PLEKHB2: variants seen among roughly 807,000 people sequenced by gnomAD.
PLEKHB2 encodes the protein pleckstrin homology domain-containing family B member 2.
PLEKHB2 carries 31 observed loss-of-function variants against 36.5 expected under a neutral mutation model. The ratio of observed to expected loss-of-function variants is 0.85; its 90% CI spans 0.64 to 1.15. The LOEUF (loss-of-function observed/expected upper bound fraction) is 1.15, where lower values mean the gene tolerates loss of function less well. PLEKHB2 is among the 50% of genes most tolerant of loss of function. The probability of loss-of-function intolerance (pLI) is 0.00; values close to 1 mark genes in which losing one functional copy is unlikely to be tolerated. For synonymous variants in PLEKHB2, 119 were observed against 112.0 expected, an observed-to-expected ratio of 1.06 and a Z score of -0.39; for missense variants, 262 against 295.3, an observed-to-expected ratio of 0.89 and a Z score of 0.83.
intron 1 of PLEKHB2, among the ~76,000 whole-genome samples, chr2:131,118,480 A>G (rs1036655020): frequency 6.6e-6 from 1 of 152,048 alleles, no homozygotes; most frequent in Non-Finnish European, 1.5e-5. Flanking sequence ...ATGGGGAAGG[A>G]GCTACATTAG....
chr2:131,124,843 T>C (rs1696939697), intron 2 of PLEKHB2, among the ~76,000 whole-genome samples: 1 of 151,962 alleles, frequency 6.6e-6, no homozygotes, highest in South Asian at 2.1e-4. Flanking sequence ...TGGAGGGCAG[T>C]GGTGCGATCT....
At chr2:131,122,000 G>A (rs1310712404) in intron 2 of PLEKHB2, among the ~76,000 whole-genome samples, 1 of 152,112 alleles carries the variant, frequency 6.6e-6, no homozygotes, top group African/African-American at 2.4e-5. Context: ...CCAGGTTCAA[G>A]TAATTCTCCT....
chr2:131,126,728 ATTGT>A lies in PLEKHB2; in HGVS notation c.240_243del (p.Cys81GlufsTer38), dbSNP rs1409367432. 1.2e-6 allele frequency: 2 copies of A among 1,612,340 alleles called. No individual in the cohort carries two copies. Among genetic ancestry groups the A allele is most frequent in the Non-Finnish European group, 1.7e-6 (2 of 1,178,316 alleles). ...AAAGTCAAAAGACTGCATGCTCCAG[ATTGT>A]TTGTCGAGATGGGAAAACAATTAGT... On this transcript the variant is annotated frameshift_variant, in exon 4 of 8. Coordinates refer to ENST00000693505, the MANE Select transcript of PLEKHB2 (RefSeq NM_001100623.2). LOFTEE classifies it high-confidence loss of function.
chr2:131,144,468 T>G (rs1029027486), intron 7 of PLEKHB2: 3 of 1,161,834 alleles, frequency 2.6e-6, no homozygotes, highest in Non-Finnish European at 3.2e-6. Flanking sequence ...AAGAGCAGAC[T>G]TCTAGATTTG....
At chr2:131,136,150 C>CCCGGCCTCTTTTTACTTT (rs1559096658) in intron 6 of PLEKHB2, among the ~76,000 whole-genome samples, 2 of 147,662 alleles carry the variant, frequency 1.4e-5, no homozygotes, top group Admixed American at 6.7e-5. Context: ...GCCTGCCTGT[C>CCCGGCCTCTTTTTACTTT]TTCCTGCCTC....
At chr2:131,134,102 T>C (rs1427956822) in intron 6 of PLEKHB2, among the ~76,000 whole-genome samples, 6 of 152,080 alleles carry the variant, frequency 3.9e-5, no homozygotes, top group South Asian at 2.1e-4. Context: ...GGTTTCACTG[T>C]GTTAGCCAGG....
chr2:131,110,296 G>A (rs1373388366), intron 1 of PLEKHB2, among the ~76,000 whole-genome samples: 2 of 150,802 alleles, frequency 1.3e-5, no homozygotes, highest in South Asian at 2.1e-4. Flanking sequence ...TGTAGTACTC[G>A]GTCCTGCTCC....
At chr2:131,133,921 AT>A (rs1697970361) in intron 6 of PLEKHB2, among the ~76,000 whole-genome samples, 1 of 118,320 alleles carries the variant, frequency 8.5e-6, no homozygotes. Context: ...TTTTTTTGGG[AT>A]GGAGTCTTGC....
chr2:131,146,664 A>C lies in PLEKHB2; in HGVS notation c.560A>C (p.Gln187Pro). Residue 187 changes from glutamine (Q) to proline (P), a missense_variant, in exon 8 of 8, where the codon CAA (glutamine) becomes CCA (proline). Transcript: ENST00000693505. ...CTTTATGGACAGCAGCCTGCTAACC[A>C]AGTCATCATTCGAGAGCGCTATCGA... is the stretch of plus-strand genomic sequence containing the variant. ...AGLYGQQPAN[Q>P]VIIRERYRDN... 6.2e-7 allele frequency: 1 copy of C among 1,613,588 alleles called. No homozygotes were observed. Among genetic ancestry groups the C allele is most frequent in the East Asian group, 2.2e-5 (1 of 44,866 alleles).
chr2:131,133,901 G>GTTT (rs537745063), intron 6 of PLEKHB2, among the ~76,000 whole-genome samples: 1 of 137,888 alleles, frequency 7.3e-6, no homozygotes, highest in Non-Finnish European at 1.6e-5. Context: ...TTGCTGAGTG[G>GTTT]TTTTTTTTTT....
intron 6 of PLEKHB2, among the ~76,000 whole-genome samples, chr2:131,138,853 G>A (rs1698513373): frequency 6.6e-6 from 1 of 152,140 alleles, no homozygotes. Context: ...TCCCCACATG[G>A]TCTTCATGGA....
chr2:131,129,078 A>G (rs1037138414), intron 4 of PLEKHB2, among the ~76,000 whole-genome samples: 1 of 152,260 alleles, frequency 6.6e-6, no homozygotes, highest in Admixed American at 6.5e-5. Flanking sequence ...TAATCCCAGC[A>G]CTTTGGGAGG....
At chr2:131,128,618 C>T (rs766676457) in intron 4 of PLEKHB2, among the ~76,000 whole-genome samples, 2 of 152,150 alleles carry the variant, frequency 1.3e-5, no homozygotes, top group Non-Finnish European at 2.9e-5. Flanking sequence ...CAAGAGGGTG[C>T]CATTCACGTT....
chr2:131,113,257 T>G (rs1695512550), intron 1 of PLEKHB2, among the ~76,000 whole-genome samples: 1 of 152,072 alleles, frequency 6.6e-6, no homozygotes, highest in African/African-American at 2.4e-5. Flanking sequence ...GATTTTTGTA[T>G]GGATGAGGTT....
intron 1 of PLEKHB2, 191 bp from the exon 2 acceptor site, chr2:131,120,743 A>AGG (rs1014207247): frequency 3.0e-6 from 2 of 658,662 alleles, no homozygotes. Flanking sequence ...GGAGGAAGGG[A>AGG]GGGGGTACAG....
chr2:131,143,472 G>C (rs1284753421), intron 7 of PLEKHB2, among the ~76,000 whole-genome samples: 1 of 152,056 alleles, frequency 6.6e-6, no homozygotes, highest in Non-Finnish European at 1.5e-5. Context: ...TTAGTTTAAG[G>C]GACATCCCAG....
intron 5 of PLEKHB2, among the ~76,000 whole-genome samples, chr2:131,130,963 T>A (rs1046048337): frequency 6.6e-6 from 1 of 151,980 alleles, no homozygotes; most frequent in Non-Finnish European, 1.5e-5. Flanking sequence ...TTTGAAAAAA[T>A]TTTTTTGTAG....
chr2:131,133,233 G>A (rs1366745807), intron 6 of PLEKHB2, among the ~76,000 whole-genome samples: 1 of 152,070 alleles, frequency 6.6e-6, no homozygotes, highest in Admixed American at 6.5e-5. Context: ...AATGCATCAT[G>A]TTAATGATAG....
At chr2:131,122,356 A>G (rs570451611) in intron 2 of PLEKHB2, among the ~76,000 whole-genome samples, 130 of 152,370 alleles carry the variant, frequency 8.5e-4, no homozygotes, top group African/African-American at 2.8e-3. Flanking sequence ...ACTGAGCTGT[A>G]TCACATACCA....
Sources: gnomAD v4.1 joint callset for allele counts (sites outside exome capture counted in the v4.1 genomes callset) on GRCh38, gnomAD v4.1.1 for gene constraint, MANE v1.5 for transcripts, NCBI Gene and HGNC (gene_info 2026-07-23, HGNC 2026-07-21) for gene names.